SNTG1: variants seen among roughly 807,000 people sequenced by gnomAD.
SNTG1 encodes the protein gamma-1-syntrophin.
Under a neutral mutation model 74.7 loss-of-function variants are expected in SNTG1, and 39 were observed. The ratio of observed to expected loss-of-function variants is 0.52; its 90% CI spans 0.40 to 0.68. The LOEUF (loss-of-function observed/expected upper bound fraction) is 0.68. SNTG1 is among the 30% of genes least tolerant of loss of function. The pLI is 0.00. For missense variants in SNTG1, 685 were observed against 609.5 expected, an observed-to-expected ratio of 1.12 and a Z score of -1.30; for synonymous variants, 254 against 217.1, an observed-to-expected ratio of 1.17 and a Z score of -1.49.
At chr8:50,089,231 C>T (rs2079617425) in intron 1 of SNTG1, among the ~76,000 whole-genome samples, 1 of 152,126 alleles carries the variant, frequency 6.6e-6, no homozygotes, top group Non-Finnish European at 1.5e-5. Flanking sequence ...GGATCCCTTC[C>T]TTACACCTTA....
At position 50,402,190 on chromosome 8, in the gene SNTG1, T is replaced by TC; in HGVS notation, c.28-20_28-19insC. ...CTAAGTATAATTTTTCCTCTGTTTG[T>TC]TTTTTTTTTTAATCTGAAGACAAAG... is the stretch of plus-strand genomic sequence containing the variant. On this transcript the variant is annotated intron_variant, in intron 3 of 18. Transcript: ENST00000642720. The TC allele has an allele frequency of 1.1e-6, 1 of 920,176 alleles. No homozygotes were observed. Among genetic ancestry groups the TC allele is most frequent in the African/African-American group, 2.1e-5 (1 of 47,420 alleles). The allele number at this position is 920,176 out of a possible 1,614,324, so 57.0% of individuals were successfully genotyped here. A position where few individuals can be genotyped will look rare whatever the true frequency, so the allele number is the denominator to read the frequency against.
At position 50,122,078 on chromosome 8, in the gene SNTG1, GC is replaced by G. The variant is rs1388773587; in HGVS notation, c.-102-50478del. ...CTCAGCACCATGTCCAACCCTCGAT[GC>G]CCCCTGCCTTGGTTTAGGGACCCCC... On this transcript the variant is annotated intron_variant, in intron 1 of 18. Coordinates refer to ENST00000642720, the MANE Select transcript of SNTG1 (RefSeq NM_018967.5). Among the ~76,000 whole-genome samples the G allele has an allele frequency of 1.4e-5, 2 of 140,598 alleles. 1 individual carries two copies. Among genetic ancestry groups the G allele is most frequent in the Non-Finnish European group, 3.2e-5 (2 of 63,380 alleles). The allele number at this position is 140,598 out of a possible 152,430, so 92.2% of individuals were successfully genotyped here.
At chr8:50,212,120 T>TC (rs2084549340) in intron 2 of SNTG1, among the ~76,000 whole-genome samples, 1 of 152,138 alleles carries the variant, frequency 6.6e-6, no homozygotes, top group Non-Finnish European at 1.5e-5. Flanking sequence ...GGTTTTTTTT[T>TC]CTCTCATTTT....
chr8:50,339,735 G>C (rs1315260423), intron 2 of SNTG1, among the ~76,000 whole-genome samples: 1 of 151,720 alleles, frequency 6.6e-6, no homozygotes, highest in Non-Finnish European at 1.5e-5. Context: ...AAATAATAAA[G>C]AAACAAATAA....
chr8:50,334,969 A>T lies in SNTG1; in HGVS notation c.-27-59243A>T, dbSNP rs569660944. On this transcript the variant is annotated intron_variant, in intron 2 of 18. Transcript: ENST00000642720. ...TTCTGCTAGATTATACTTACAAAGGAGACTATTTTTGTTCACTGTAATATT... is the reference window on the plus strand; with the variant it reads ...TTCTGCTAGATTATACTTACAAAGGTGACTATTTTTGTTCACTGTAATATT... Among the ~76,000 whole-genome samples, 6 of 152,308 alleles carry T rather than the reference A, an allele frequency of 3.9e-5. No individual in the cohort carries two copies. The South Asian group carries it at 1.2e-3, about 32-fold the overall frequency.
intron 13 of SNTG1, among the ~76,000 whole-genome samples, chr8:50,634,844 C>A (rs1247346905): frequency 6.6e-6 from 1 of 152,104 alleles, no homozygotes. Context: ...CATCTCTGTC[C>A]CCACACTCTT....
At chr8:50,570,588 G>GTT (rs1165108196) in intron 12 of SNTG1, among the ~76,000 whole-genome samples, 1 of 86,876 alleles carries the variant, frequency 1.2e-5, no homozygotes, top group Non-Finnish European at 2.4e-5. Flanking sequence ...TATTATTATT[G>GTT]TTGTTATTAT....
At chr8:50,692,192 G>T (rs1054152727) in intron 15 of SNTG1, among the ~76,000 whole-genome samples, 4 of 151,906 alleles carry the variant, frequency 2.6e-5, no homozygotes, top group Non-Finnish European at 5.9e-5. Flanking sequence ...CCTTTGTTTT[G>T]AATTTCCTCC....
intron 17 of SNTG1, among the ~76,000 whole-genome samples, chr8:50,745,792 T>G (rs1283163698): frequency 6.6e-6 from 1 of 152,004 alleles, no homozygotes; most frequent in African/African-American, 2.4e-5. Flanking sequence ...TGTTTTATGA[T>G]TCCCCTTAAA....
intron 1 of SNTG1, among the ~76,000 whole-genome samples, chr8:50,143,528 A>T (rs1171729581): frequency 1.3e-5 from 2 of 152,204 alleles, no homozygotes; most frequent in Non-Finnish European, 2.9e-5. Flanking sequence ...TAGAAACATC[A>T]CTTTTCAAGT....
At chr8:50,308,916 T>A in intron 2 of SNTG1, among the ~76,000 whole-genome samples, 2 of 152,120 alleles carry the variant, frequency 1.3e-5, no homozygotes, top group African/African-American at 4.8e-5. Flanking sequence ...TTTTAAATGT[T>A]TCTATTCATA....
intron 2 of SNTG1, among the ~76,000 whole-genome samples, chr8:50,336,828 G>T (rs2091159628): frequency 6.6e-6 from 1 of 152,194 alleles, no homozygotes. Flanking sequence ...ACTGAACAGT[G>T]AAATAACTCC....
At chr8:50,696,121 C>A (rs1369103709) in intron 15 of SNTG1, among the ~76,000 whole-genome samples, 2 of 151,834 alleles carry the variant, frequency 1.3e-5, no homozygotes, top group African/African-American at 4.8e-5. Flanking sequence ...ATATCTTCAC[C>A]AAATCTGTTA....
intron 4 of SNTG1, among the ~76,000 whole-genome samples, chr8:50,411,554 G>A (rs1183485388): frequency 6.6e-6 from 1 of 152,058 alleles, no homozygotes; most frequent in Non-Finnish European, 1.5e-5. Flanking sequence ...AGATGGGCAA[G>A]TACTGTTTAG....
chr8:50,792,721 C>G lies in SNTG1; in HGVS notation c.1446C>G (p.Phe482Leu). 1 of 1,612,476 alleles carries G rather than the reference C, an allele frequency of 6.2e-7. No homozygotes were observed. The highest frequency in any genetic ancestry group is 8.5e-7 in the Non-Finnish European group (1 of 1,178,922). ...LFAVLHCIHS[F>L]FAAKVACLDP... ...CTGTTCTTCACTGCATTCATTCCTT[C>G]TTTGCTGCCAAGGTAGCTTGTTTGG... Residue 482 changes from phenylalanine to leucine, a missense_variant, in exon 19 of 19, where the codon TTC becomes TTG. Coordinates refer to ENST00000642720, the MANE Select transcript of SNTG1 (RefSeq NM_018967.5).
At chr8:50,481,681 T>C (rs768879079) in intron 8 of SNTG1, among the ~76,000 whole-genome samples, 4 of 152,226 alleles carry the variant, frequency 2.6e-5, no homozygotes, top group South Asian at 2.1e-4. Context: ...ATAAATCATA[T>C]TGATTTTAGA....
chr8:50,630,176 C>G (rs1012331516), intron 13 of SNTG1, among the ~76,000 whole-genome samples: 5 of 151,876 alleles, frequency 3.3e-5, no homozygotes, highest in African/African-American at 1.2e-4. Flanking sequence ...TAAAATGAGG[C>G]TTGAAATATT....
intron 8 of SNTG1, among the ~76,000 whole-genome samples, chr8:50,492,450 G>A (rs941442802): frequency 3.3e-5 from 5 of 152,152 alleles, no homozygotes; most frequent in African/African-American, 1.2e-4. Flanking sequence ...GTGTGAGATG[G>A]TATCTCAGTG....
intron 4 of SNTG1, among the ~76,000 whole-genome samples, chr8:50,435,283 C>T (rs571664270): frequency 6.6e-6 from 1 of 152,240 alleles, no homozygotes; most frequent in East Asian, 1.9e-4. Flanking sequence ...ATAGGAGCAT[C>T]AGCCTGGATT....
Sources: allele counts gnomAD v4.1 joint callset (sites outside exome capture counted in the v4.1 genomes callset), GRCh38; gene constraint gnomAD v4.1.1; transcripts MANE v1.5; gene names NCBI Gene and HGNC (gene_info 2026-07-23, HGNC 2026-07-21).